The following CAST variants were observed in gnomAD, a reference collection of about 807,000 sequenced individuals.
CAST encodes the protein calpastatin.
Under a neutral mutation model 119.6 loss-of-function variants are expected in CAST, and 76 were observed. The observed-to-expected ratio is 0.64, with a 90% CI of 0.53 to 0.77. The LOEUF is 0.77. CAST is among the 30% of genes least tolerant of loss of function. CAST has a pLI of 0.00. For synonymous variants in CAST, 319 were observed against 331.6 expected (o/e 0.96, Z 0.41); for missense variants, 953 against 946.5 (o/e 1.01, Z -0.09).
chr5:96,740,646 G>T, intron 12 of CAST, 99 bp from the exon 13 acceptor site: 1 of 808,752 alleles, frequency 1.2e-6, no homozygotes, highest in South Asian at 1.4e-5. Flanking sequence ...ATAGATCTGG[G>T]GTGGGAGGCA....
At chr5:96,142,099 G>A in the CAST span, among the ~76,000 whole-genome samples, 2 of 152,236 alleles carry the variant, frequency 1.3e-5, no homozygotes, top group East Asian at 3.9e-4. Context: ...CATTCCAATT[G>A]GCTATATCAT....
At chr5:96,372,715 G>C in the CAST span, among the ~76,000 whole-genome samples, 1 of 152,264 alleles carries the variant, frequency 6.6e-6, no homozygotes, top group East Asian at 1.9e-4. Context: ...AATCCTGCCA[G>C]ATTTCTGCCT....
the CAST span, chr5:96,412,614 A>G: frequency 5.8e-6 from 5 of 857,816 alleles, no homozygotes; most frequent in Admixed American, 6.5e-5. Context: ...GGTAACTACT[A>G]GATAGATGTC....
At chr5:96,298,474 T>TC in the CAST span, among the ~76,000 whole-genome samples, 6 of 152,210 alleles carry the variant, frequency 3.9e-5, no homozygotes, top group Non-Finnish European at 5.9e-5. Flanking sequence ...ACTTCATTTC[T>TC]CACTGTTGAA....
chr5:96,259,625 A>G, the CAST span, among the ~76,000 whole-genome samples: 1 of 152,134 alleles, frequency 6.6e-6, no homozygotes, highest in Admixed American at 6.5e-5. Context: ...TCTTCCTGAG[A>G]TAGGGCTGTG....
chr5:96,621,970 T>TC lies in CAST; in HGVS notation c.61-53569_61-53568insC, dbSNP rs1369122829. Reference sequence around the variant, plus strand: ...CATTCTTTTTTTTTCTTTTTTTCTCTTTTTTTTTTTTTTTTTTGAGATGGA... The same window carrying TC: ...CATTCTTTTTTTTTCTTTTTTTCTCTCTTTTTTTTTTTTTTTTTGAGATGGA... On this transcript the variant is annotated intron_variant, in intron 1 of 11. Transcript: ENST00000505143. Among the ~76,000 whole-genome samples, 29 of 23,266 alleles carry TC rather than the reference T, an allele frequency of 1.2e-3. No individual in the cohort carries two copies. The South Asian group carries it at 0.04, about 32-fold the overall frequency. 15.3% of individuals were successfully genotyped at this position (23,266 alleles called of 152,430 possible). A position where few individuals can be genotyped will look rare whatever the true frequency, so the allele number is the denominator to read the frequency against.
chr5:96,424,644 C>G, the CAST span, among the ~76,000 whole-genome samples: 56,879 of 151,954 alleles, frequency 0.37, 10,908 homozygotes, highest in East Asian at 0.47. Context: ...TAAGTCTCTT[C>G]TGCTGCAATG....
chr5:96,244,342 G>T, the CAST span, among the ~76,000 whole-genome samples: 1 of 152,112 alleles, frequency 6.6e-6, no homozygotes, highest in Non-Finnish European at 1.5e-5. Flanking sequence ...TTTGTATTTT[G>T]CTTTGAATTA....
chr5:96,260,160 T>TA, the CAST span, among the ~76,000 whole-genome samples: 1 of 151,966 alleles, frequency 6.6e-6, no homozygotes, highest in African/African-American at 2.4e-5. Flanking sequence ...AAAACCAGAT[T>TA]AAAAAAACAA....
the CAST span, among the ~76,000 whole-genome samples, chr5:96,233,057 C>T: frequency 4.9e-4 from 74 of 152,150 alleles, no homozygotes; most frequent in Middle Eastern, 3.4e-3. Flanking sequence ...AACAAATTAA[C>T]TGTGGGTTAT....
intron 1 of CAST, among the ~76,000 whole-genome samples, chr5:96,535,559 A>C (rs1745794003): frequency 6.7e-6 from 1 of 148,474 alleles, no homozygotes; most frequent in South Asian, 2.1e-4. Flanking sequence ...TTATGTAAAT[A>C]AACAATTTTT....
intron 30 of CAST, 81 bp from the exon 31 acceptor site, chr5:96,771,563 G>A: frequency 1.0e-6 from 1 of 1,004,178 alleles, no homozygotes; most frequent in South Asian, 1.5e-5. Flanking sequence ...GCCATCTTTT[G>A]TCCCCTAATT....
chr5:96,496,518 T>G, the CAST span, among the ~76,000 whole-genome samples: 4 of 152,224 alleles, frequency 2.6e-5, no homozygotes, highest in African/African-American at 4.8e-5. Flanking sequence ...TCAAAACATT[T>G]TGGTCATAAG....
the CAST span, among the ~76,000 whole-genome samples, chr5:96,136,765 G>C: frequency 6.6e-6 from 1 of 152,066 alleles, no homozygotes; most frequent in Admixed American, 6.6e-5. Flanking sequence ...GAGAAAAACT[G>C]GCTTTCCTCA....
intron 1 of CAST, among the ~76,000 whole-genome samples, chr5:96,674,455 G>C (rs1398931568): frequency 1.3e-5 from 2 of 151,996 alleles, no homozygotes; most frequent in Non-Finnish European, 2.9e-5. Flanking sequence ...TGAATCCAAT[G>C]ATGAGCTTTT....
At chr5:96,431,670 A>G in the CAST span, among the ~76,000 whole-genome samples, 1 of 152,112 alleles carries the variant, frequency 6.6e-6, no homozygotes, top group Non-Finnish European at 1.5e-5. Flanking sequence ...TTCAAAGACA[A>G]TTTGGTTTAT....
At chr5:96,663,586 G>T (rs1449089114) in intron 1 of CAST, among the ~76,000 whole-genome samples, 2 of 152,300 alleles carry the variant, frequency 1.3e-5, no homozygotes, top group South Asian at 4.1e-4. Flanking sequence ...TTTAGAGGGC[G>T]ATTGTTGGAC....
the CAST span, chr5:96,429,166 G>A: frequency 3.2e-6 from 3 of 943,658 alleles, no homozygotes; most frequent in African/African-American, 1.6e-5. Flanking sequence ...CATAAAGAAA[G>A]CAGATAAGCT....
the CAST span, among the ~76,000 whole-genome samples, chr5:96,169,680 G>A: frequency 6.6e-6 from 1 of 152,108 alleles, no homozygotes; most frequent in Non-Finnish European, 1.5e-5. Context: ...GGGATGGTAA[G>A]GGGTGCATGA....
Sources: gnomAD v4.1 joint callset for allele counts (sites outside exome capture counted in the v4.1 genomes callset) on GRCh38, gnomAD v4.1.1 for gene constraint, MANE v1.5 for transcripts, NCBI Gene and HGNC (gene_info 2026-07-23, HGNC 2026-07-21) for gene names.